The following SLC7A1 variants were observed in gnomAD, a reference collection of about 807,000 sequenced individuals.
SLC7A1 encodes the protein high affinity cationic amino acid transporter 1.
A neutral mutation model predicts 53.9 loss-of-function variants in SLC7A1; 10 were observed. That is an observed-to-expected ratio of 0.19 (90% CI 0.11 to 0.31). The LOEUF is 0.31. SLC7A1 is among the 10% of genes least tolerant of loss of function. SLC7A1 has a pLI of 1.00. For missense variants in SLC7A1, 525 were observed against 827.2 expected, an observed-to-expected ratio of 0.63 and a Z score of 4.48; for synonymous variants, 342 against 338.7, an observed-to-expected ratio of 1.01 and a Z score of -0.11.
chr13:29,549,088 C>T (rs1002705367), intron 2 of SLC7A1, among the ~76,000 whole-genome samples: 1 of 152,202 alleles, frequency 6.6e-6, no homozygotes, highest in African/African-American at 2.4e-5. Flanking sequence ...ACTGGTTGTA[C>T]TTTTCTAATG....
chr13:29,514,468 C>A lies in SLC7A1; in HGVS notation c.*12G>T, dbSNP rs752502431. On this transcript the variant is annotated 3_prime_UTR_variant, in exon 13 of 13. Transcript: ENST00000380752. Reference sequence around the variant, plus strand: ...CGGGGCTGCTGCCACCTCCGGGGGGCGGGGCTGTGCGTCACTTGCACTGGT... The same window carrying A: ...CGGGGCTGCTGCCACCTCCGGGGGGAGGGGCTGTGCGTCACTTGCACTGGT... 1 of 1,599,336 alleles carries A rather than the reference C, an allele frequency of 6.3e-7. No homozygotes were observed. Among genetic ancestry groups the A allele is most frequent in the Admixed American group, 1.7e-5 (1 of 59,938 alleles).
chr13:29,570,352 A>T (rs2776950), intron 1 of SLC7A1, among the ~76,000 whole-genome samples: 147,626 of 152,278 alleles, frequency 0.97, 71,728 homozygotes, highest in East Asian at 1. Flanking sequence ...TGCTCACGGA[A>T]CTGATGAGGA....
intron 2 of SLC7A1, among the ~76,000 whole-genome samples, chr13:29,549,660 C>T (rs141931816): frequency 6.6e-6 from 1 of 152,312 alleles, no homozygotes; most frequent in East Asian, 1.9e-4. Flanking sequence ...GCACAGGTTA[C>T]ATCTATTGTT....
At chr13:29,563,903 C>T (rs1227546294) in intron 1 of SLC7A1, among the ~76,000 whole-genome samples, 5 of 152,270 alleles carry the variant, frequency 3.3e-5, no homozygotes, top group East Asian at 3.9e-4. Context: ...CATCTTGAGC[C>T]GGTGAGAGGC....
chr13:29,531,221 A>G (rs1431503055), intron 4 of SLC7A1, among the ~76,000 whole-genome samples: 2 of 152,192 alleles, frequency 1.3e-5, no homozygotes, highest in Non-Finnish European at 2.9e-5. Context: ...ACAACTAGCT[A>G]TGGTTCTGGA....
At chr13:29,529,361 C>T (rs188769159) in intron 5 of SLC7A1, among the ~76,000 whole-genome samples, 32 of 152,338 alleles carry the variant, frequency 2.1e-4, no homozygotes, top group African/African-American at 7.5e-4. Flanking sequence ...ACTGGGCATA[C>T]GTGACTGCTA....
chr13:29,550,353 GA>G (rs1437338955), intron 2 of SLC7A1, among the ~76,000 whole-genome samples: 1 of 151,980 alleles, frequency 6.6e-6, no homozygotes, highest in Non-Finnish European at 1.5e-5. Context: ...GACAAATGTA[GA>G]AAAAAAATCA....
At chr13:29,547,377 G>C (rs1410570130) in intron 2 of SLC7A1, among the ~76,000 whole-genome samples, 3 of 152,212 alleles carry the variant, frequency 2.0e-5, no homozygotes, top group East Asian at 1.9e-4. Context: ...CCCAACCGGG[G>C]CTTCGGCGGA....
At chr13:29,544,926 C>T (rs1030940492) in intron 2 of SLC7A1, among the ~76,000 whole-genome samples, 1 of 151,790 alleles carries the variant, frequency 6.6e-6, no homozygotes. Flanking sequence ...GATGCTCCCC[C>T]AGGGCAAGGG....
intron 11 of SLC7A1, among the ~76,000 whole-genome samples, chr13:29,516,587 T>A (rs1333014621): frequency 6.6e-6 from 1 of 152,230 alleles, no homozygotes; most frequent in Non-Finnish European, 1.5e-5. Context: ...GTCAACAACC[T>A]TTTTTATTAT....
At chr13:29,527,876 CT>C (rs1407646744) in intron 5 of SLC7A1, among the ~76,000 whole-genome samples, 1 of 152,252 alleles carries the variant, frequency 6.6e-6, no homozygotes, top group African/African-American at 2.4e-5. Context: ...GTAATGGAAA[CT>C]TTAATTATTT....
rs1012032824 is a variant in SLC7A1, at chr13:29,510,420, A to C, written c.*4060T>G. ...AGTAATCAATTTCATGACTCGGATA[A>C]GGTCCCCAGGAGCCTGGCAGAATGT... On this transcript the variant is annotated 3_prime_UTR_variant, in exon 13 of 13. Transcript: ENST00000380752. 5 of 152,564 alleles carry C rather than the reference A, an allele frequency of 3.3e-5. No individual in the cohort carries two copies. Among genetic ancestry groups the C allele is most frequent in the African/African-American group, 1.2e-4 (5 of 41,444 alleles). 9.5% of individuals were successfully genotyped at this position (152,564 alleles called of 1,614,324 possible). A position where few individuals can be genotyped will look rare whatever the true frequency, so the allele number is the denominator to read the frequency against.
chr13:29,589,373 G>C (rs902589364), intron 1 of SLC7A1, among the ~76,000 whole-genome samples: 7 of 152,330 alleles, frequency 4.6e-5, no homozygotes, highest in African/African-American at 1.4e-4. Flanking sequence ...ATCAAACAAG[G>C]CTCCATTGTG....
At chr13:29,532,479 C>G (rs920828214) in intron 4 of SLC7A1, among the ~76,000 whole-genome samples, 2 of 152,230 alleles carry the variant, frequency 1.3e-5, no homozygotes, top group Non-Finnish European at 2.9e-5. Context: ...TCCAAATGGT[C>G]ATCCACTGAG....
intron 1 of SLC7A1, among the ~76,000 whole-genome samples, chr13:29,590,399 CACATACACATAA>C (rs1872062589): frequency 1.3e-5 from 2 of 152,166 alleles, no homozygotes; most frequent in African/African-American, 4.8e-5. Context: ...CATACACATA[CACATACACATAA>C]ACATACACAT....
At position 29,509,885 on chromosome 13, in the gene SLC7A1, T is replaced by C. The variant is rs1883342579; in HGVS notation, c.*4595A>G. ...TCATTACCCTTAGTGCTCCTTAAACTCATTGAAGCTGAAAGGCACAACTTA... is the reference window on the plus strand; with the variant it reads ...TCATTACCCTTAGTGCTCCTTAAACCCATTGAAGCTGAAAGGCACAACTTA... On this transcript the variant is annotated 3_prime_UTR_variant, in exon 13 of 13. Transcript: ENST00000380752. 1 of 152,582 alleles carries C rather than the reference T, an allele frequency of 6.6e-6. No homozygotes were observed. The highest frequency in any genetic ancestry group is 1.5e-5 in the Non-Finnish European group (1 of 68,036). 9.5% of individuals were successfully genotyped at this position (152,582 alleles called of 1,614,324 possible). A position where few individuals can be genotyped will look rare whatever the true frequency, so the allele number is the denominator to read the frequency against.
At chr13:29,567,372 G>A (rs1871012641) in intron 1 of SLC7A1, among the ~76,000 whole-genome samples, 1 of 152,162 alleles carries the variant, frequency 6.6e-6, no homozygotes, top group Non-Finnish European at 1.5e-5. Context: ...AAGCAGAAGA[G>A]TAAAAGCTCA....
rs180816613 is a variant in SLC7A1, at chr13:29,521,646, G to A, written c.1189+671C>T. Among the ~76,000 whole-genome samples the A allele has an allele frequency of 2.2e-3, 341 of 152,308 alleles. 2 individuals carry two copies. Among genetic ancestry groups the A allele is most frequent in the African/African-American group, 8.1e-3 (335 of 41,556 alleles). ...GCGAAAGGAGGAGACATAGACCACA[G>A]GTACAGTGTGCACACGAGCTTCCTT... On this transcript the variant is annotated intron_variant, in intron 8 of 12. Coordinates refer to ENST00000380752, the MANE Select transcript of SLC7A1 (RefSeq NM_003045.5).
intron 2 of SLC7A1, among the ~76,000 whole-genome samples, chr13:29,545,657 T>A (rs1869887848): frequency 6.6e-6 from 1 of 152,218 alleles, no homozygotes. Context: ...GTTGGTCACC[T>A]GTCTCTGCCT....
Sources: gnomAD v4.1 joint callset for allele counts (sites outside exome capture counted in the v4.1 genomes callset) on GRCh38, gnomAD v4.1.1 for gene constraint, MANE v1.5 for transcripts, NCBI Gene and HGNC (gene_info 2026-07-23, HGNC 2026-07-21) for gene names.